Variants in ANO2 observed in about 807,000 individuals in gnomAD.
ANO2 encodes the protein anoctamin 2.
Under a neutral mutation model 124.2 loss-of-function variants are expected in ANO2, and 101 were observed. The observed-to-expected ratio is 0.81, with a 90% confidence interval of 0.69 to 0.96. The LOEUF (loss-of-function observed/expected upper bound fraction) is 0.96, where lower values mean the gene tolerates loss of function less well. Ranked by LOEUF, ANO2 falls within the 40% of genes least tolerant of loss-of-function variation. ANO2 has a pLI of 0.00. For missense variants in ANO2, 1,293 were observed against 1,274.5 expected (o/e 1.01, Z -0.22); for synonymous variants, 486 against 482.5 (o/e 1.01, Z -0.09).
chr12:5,682,636 G>A (rs1281756922), intron 14 of ANO2, among the ~76,000 whole-genome samples: 1 of 152,176 alleles, frequency 6.6e-6, no homozygotes, highest in Admixed American at 6.5e-5. Context: ...TACCACGTTA[G>A]GCATTGGAAG....
At chr12:5,920,810 T>C (rs11610190) in intron 3 of ANO2, among the ~76,000 whole-genome samples, 23,032 of 152,004 alleles carry the variant, frequency 0.15, 1,981 homozygotes, top group Middle Eastern at 0.2. Context: ...GAGCTTGAAG[T>C]GAGCCAAGAT....
At chr12:5,567,361 T>C (rs1190861304) in intron 23 of ANO2, among the ~76,000 whole-genome samples, 4 of 152,040 alleles carry the variant, frequency 2.6e-5, no homozygotes, top group Non-Finnish European at 5.9e-5. Flanking sequence ...AATAAGAACA[T>C]CTTGGGGTGG....
chr12:5,640,769 G>C (rs529023741), intron 15 of ANO2, among the ~76,000 whole-genome samples: 65 of 152,330 alleles, frequency 4.3e-4, no homozygotes, highest in Admixed American at 1.2e-3. Context: ...CTTTTACACT[G>C]TTGGTGGGAG....
intron 11 of ANO2, among the ~76,000 whole-genome samples, chr12:5,746,826 C>A (rs1166673606): frequency 6.6e-5 from 10 of 152,148 alleles, no homozygotes; most frequent in Admixed American, 6.5e-4. Context: ...CTAAAGTAAC[C>A]AATCTTTTTT....
intron 1 of ANO2, among the ~76,000 whole-genome samples, chr12:5,923,123 C>G (rs533955302): frequency 3.2e-5 from 2 of 63,198 alleles, no homozygotes; most frequent in African/African-American, 8.8e-5. Context: ...TGCACGCACA[C>G]ACACCCACAT....
chr12:5,646,254 T>C (rs1946633459), intron 15 of ANO2, among the ~76,000 whole-genome samples: 2 of 152,188 alleles, frequency 1.3e-5, no homozygotes, highest in African/African-American at 4.8e-5. Context: ...CAGGTATTTG[T>C]TTCTTTGGTT....
At chr12:5,729,426 T>A (rs1412221941) in intron 14 of ANO2, among the ~76,000 whole-genome samples, 1 of 152,196 alleles carries the variant, frequency 6.6e-6, no homozygotes, top group East Asian at 1.9e-4. Flanking sequence ...ACATCATTAA[T>A]CATTAGGGAA....
intron 14 of ANO2, among the ~76,000 whole-genome samples, chr12:5,708,810 T>C (rs1378345035): frequency 6.6e-6 from 1 of 152,220 alleles, no homozygotes; most frequent in African/African-American, 2.4e-5. Context: ...TACTAAGTCT[T>C]AGTTAAATGT....
chr12:5,871,352 A>G (rs1937680134), intron 3 of ANO2, among the ~76,000 whole-genome samples: 1 of 152,198 alleles, frequency 6.6e-6, no homozygotes, highest in African/African-American at 2.4e-5. Context: ...CTAAGTCCCA[A>G]GCACTTGGAC....
In ANO2 at chr12:5,862,497, AC is replaced by A. The variant is rs1461668134; in HGVS notation, c.535-8357del. Among the ~76,000 whole-genome samples, 1 of 152,138 alleles carries A rather than the reference AC, an allele frequency of 6.6e-6. No homozygotes were observed. The highest frequency in any genetic ancestry group is 1.9e-4 in the East Asian group (1 of 5,178). On this transcript the variant is annotated intron_variant, in intron 3 of 24. Coordinates refer to ENST00000682330, the MANE Select transcript of ANO2 (RefSeq NM_001364791.2). The surrounding 1 kb of genome is among the most constrained non-coding windows in gnomAD (Gnocchi z 4.0). ...CACCACAGTCTCCACTCCGTGTATC[AC>A]ACATCATTGCACTCCAACCAGAGGC...
intron 14 of ANO2, among the ~76,000 whole-genome samples, chr12:5,666,960 T>C (rs1336514300): frequency 3.9e-5 from 6 of 152,220 alleles, no homozygotes; most frequent in Non-Finnish European, 8.8e-5. Context: ...GCAGGTGGAA[T>C]GTGCTCAAGC....
intron 3 of ANO2, among the ~76,000 whole-genome samples, chr12:5,860,116 C>G (rs1488075821): frequency 6.6e-6 from 1 of 152,142 alleles, no homozygotes; most frequent in Non-Finnish European, 1.5e-5. Flanking sequence ...TCTGGCTGTT[C>G]CACCAGCTTC....
At chr12:5,936,486 C>T (rs1457656657) in intron 1 of ANO2, among the ~76,000 whole-genome samples, 1 of 152,150 alleles carries the variant, frequency 6.6e-6, no homozygotes, top group Admixed American at 6.5e-5. Flanking sequence ...CCCTTCTCCC[C>T]CCAAGTAAGG....
Position 5,739,301 on chromosome 12 carries a change from A to T in ANO2, c.1434+16T>A. 1 of 1,582,448 alleles carries T rather than the reference A, an allele frequency of 6.3e-7. No individual in the cohort carries two copies. Among genetic ancestry groups the T allele is most frequent in the Non-Finnish European group, 8.6e-7 (1 of 1,161,930 alleles). On this transcript the variant is annotated intron_variant, in intron 13 of 24. Coordinates refer to ENST00000682330, the MANE Select transcript of ANO2 (RefSeq NM_001364791.2). ...AAGCCCACAGAAGTATGTGAGAAAT[A>T]CGTGAGAGAACTCACTTCTTCCTCT...
chr12:5,692,278 G>A (rs1446878951), intron 14 of ANO2, among the ~76,000 whole-genome samples: 1 of 152,086 alleles, frequency 6.6e-6, no homozygotes, highest in Admixed American at 6.6e-5. Flanking sequence ...GGGTTTGAGG[G>A]AACACAGAGA....
intron 20 of ANO2, among the ~76,000 whole-genome samples, chr12:5,589,490 G>C (rs914226425): frequency 3.3e-5 from 5 of 152,132 alleles, no homozygotes; most frequent in African/African-American, 1.2e-4. Flanking sequence ...TGTTAGCCTA[G>C]GTAAGAGAAA....
chr12:5,799,652 T>C lies in ANO2; in HGVS notation c.991-81A>G, dbSNP rs1591632032. On this transcript the variant is annotated intron_variant, in intron 9 of 24. Transcript: ENST00000682330. Reference sequence around the variant, plus strand: ...ATTTTGTCCATCCTAACAAGTCAGATTTTTATCCCCAAAGTCCAGCTTCTA... The same window carrying C: ...ATTTTGTCCATCCTAACAAGTCAGACTTTTATCCCCAAAGTCCAGCTTCTA... 4.7e-6 allele frequency: 6 copies of C among 1,263,280 alleles called. No homozygotes were observed. The East Asian group carries it at 1.4e-4, about 30-fold the overall frequency. The allele number at this position is 1,263,280 out of a possible 1,614,324, so 78.3% of individuals were successfully genotyped here.
chr12:5,627,370 C>T (rs1159059866), intron 16 of ANO2, among the ~76,000 whole-genome samples: 1 of 152,174 alleles, frequency 6.6e-6, no homozygotes, highest in Admixed American at 6.5e-5. Flanking sequence ...GAATACAAGC[C>T]AGCAGACCCA....
chr12:5,761,272 C>T (rs978119282), intron 10 of ANO2, among the ~76,000 whole-genome samples: 1 of 151,946 alleles, frequency 6.6e-6, no homozygotes, highest in South Asian at 2.1e-4. Context: ...TGTCTACACC[C>T]ATATGAGACT....
Sources: allele counts gnomAD v4.1 joint callset (sites outside exome capture counted in the v4.1 genomes callset), GRCh38; gene constraint gnomAD v4.1.1; non-coding constraint Gnocchi (gnomAD v3.1); transcripts MANE v1.5; gene names NCBI Gene and HGNC (gene_info 2026-07-23, HGNC 2026-07-21).